NHSL1: variants seen among roughly 807,000 people sequenced by gnomAD.
NHSL1 encodes NHS-like protein 1.
A neutral mutation model predicts 95.0 loss-of-function variants in NHSL1; 48 were observed. The ratio of observed to expected loss-of-function variants is 0.51; its 90% confidence interval spans 0.40 to 0.64. The LOEUF is 0.64. NHSL1 is among the 30% of genes least tolerant of loss of function. NHSL1 has a pLI of 0.00. For synonymous variants in NHSL1, 783 were observed against 833.9 expected, an observed-to-expected ratio of 0.94 and a Z score of 1.05; for missense variants, 1,971 against 2,077.7, an observed-to-expected ratio of 0.95 and a Z score of 1.00.
chr6:138,571,957 A>G, exon 1 of NHSL1: 1 of 1,519,858 alleles, frequency 6.6e-7, no homozygotes, highest in Non-Finnish European at 8.9e-7. Flanking sequence ...CCAGCAAACA[A>G]AACGCTGGGT....
At chr6:138,451,864 G>T (rs2128224818) in intron 3 of NHSL1, among the ~76,000 whole-genome samples, 1 of 152,204 alleles carries the variant, frequency 6.6e-6, no homozygotes, top group East Asian at 1.9e-4. Context: ...AAATAAGAAT[G>T]AAACCTTTTG....
chr6:138,574,221 G>A (rs963603964), upstream of NHSL1, among the ~76,000 whole-genome samples: 6 of 152,216 alleles, frequency 3.9e-5, no homozygotes, highest in Admixed American at 6.5e-5. Context: ...GTGAGCCACC[G>A]CACCCAGATG....
At chr6:138,581,331 G>A (rs1784052002) in intron 1 of NHSL1, among the ~76,000 whole-genome samples, 1 of 152,070 alleles carries the variant, frequency 6.6e-6, no homozygotes, top group Admixed American at 6.5e-5. Flanking sequence ...GCAAAAGTTT[G>A]GAAGACTAGG....
intron 1 of NHSL1, among the ~76,000 whole-genome samples, chr6:138,602,896 G>A (rs79136820): frequency 0.042 from 6,400 of 152,212 alleles, 180 homozygotes; most frequent in South Asian, 0.068. Flanking sequence ...GTGGTGTTGT[G>A]ACAAATTAAA....
chr6:138,641,006 C>G (rs1361074289), intron 1 of NHSL1, among the ~76,000 whole-genome samples: 1 of 152,180 alleles, frequency 6.6e-6, no homozygotes, highest in Non-Finnish European at 1.5e-5. Flanking sequence ...AATTTAAAAG[C>G]TAATGGGAAA....
chr6:138,576,126 G>C (rs1562380552), upstream of NHSL1, among the ~76,000 whole-genome samples: 1 of 152,088 alleles, frequency 6.6e-6, no homozygotes, highest in Non-Finnish European at 1.5e-5. Context: ...CAAGTAGCTG[G>C]AACTACAGGC....
intron 1 of NHSL1, among the ~76,000 whole-genome samples, chr6:138,686,292 C>T (rs889304204): frequency 9.2e-5 from 14 of 152,060 alleles, no homozygotes; most frequent in African/African-American, 2.9e-4. Flanking sequence ...GAGGCCAAAA[C>T]GGGCAGATGC....
chr6:138,495,514 T>A (rs1452142245), intron 2 of NHSL1, among the ~76,000 whole-genome samples: 1 of 152,180 alleles, frequency 6.6e-6, no homozygotes, highest in Non-Finnish European at 1.5e-5. Flanking sequence ...AAATTGGTTT[T>A]GAATACTTAC....
At chr6:138,504,179 G>A (rs1406493331), upstream of NHSL1, among the ~76,000 whole-genome samples, 1 of 152,152 alleles carries the variant, frequency 6.6e-6, no homozygotes, top group Non-Finnish European at 1.5e-5. Context: ...AGGTTGCAGT[G>A]AGCTATGATC....
intron 1 of NHSL1, among the ~76,000 whole-genome samples, chr6:138,544,105 C>A (rs1055971518): frequency 6.6e-6 from 1 of 152,106 alleles, no homozygotes; most frequent in African/African-American, 2.4e-5. Context: ...AGTAACAATT[C>A]CACAACCGTA....
intron 3 of NHSL1, among the ~76,000 whole-genome samples, chr6:138,460,599 T>C (rs562791213): frequency 2.3e-4 from 35 of 151,950 alleles, no homozygotes; most frequent in African/African-American, 8.2e-4. Context: ...GTGTAGGTTA[T>C]ATGCAAATAC....
chr6:138,438,944 GT>G (rs1191151465), intron 5 of NHSL1, among the ~76,000 whole-genome samples: 4 of 152,020 alleles, frequency 2.6e-5, no homozygotes, highest in Non-Finnish European at 5.9e-5. Context: ...ATAAGATGAT[GT>G]TCAGATACAT....
chr6:138,432,543 G>A lies in NHSL1; in HGVS notation c.1802C>T (p.Ser601Phe). Residue 601 changes from serine (S) to phenylalanine (F), a missense_variant, in exon 6 of 8, where the codon TCT becomes TTT. Around this residue, in one of 3 missense-constraint regions of NHSL1, gnomAD observed 1,602 missense variants for 1,654.5 expected, o/e 0.97. Coordinates refer to ENST00000343505, the MANE Select transcript of NHSL1 (RefSeq NM_001144060.2). The surrounding 1 kb of genome is among the most constrained non-coding windows in gnomAD (Gnocchi z 4.4). Reference sequence around the variant, plus strand: ...TGCACAGTAGCCATCGTGGTCCTCAGAATACAGCGACCCAGCATCCTCTTT... The same window carrying A: ...TGCACAGTAGCCATCGTGGTCCTCAAAATACAGCGACCCAGCATCCTCTTT... ...SNKEDAGSLY[S>F]EDHDGYCASV... 1 of 1,552,134 alleles carries A rather than the reference G, an allele frequency of 6.4e-7. No individual in the cohort carries two copies. Among genetic ancestry groups the A allele is most frequent in the Admixed American group, 2.0e-5 (1 of 51,010 alleles).
chr6:138,645,122 C>T (rs1254534150), intron 1 of NHSL1, among the ~76,000 whole-genome samples: 1 of 152,156 alleles, frequency 6.6e-6, no homozygotes. Context: ...TGGTTCTGTT[C>T]TAATGATGTT....
chr6:138,662,862 A>G (rs962058497), intron 1 of NHSL1, among the ~76,000 whole-genome samples: 21 of 152,138 alleles, frequency 1.4e-4, no homozygotes, highest in African/African-American at 5.1e-4. Flanking sequence ...AACACACTTC[A>G]ACTTTCATAC....
At chr6:138,465,710 CT>C (rs1217152430) in intron 3 of NHSL1, among the ~76,000 whole-genome samples, 33 of 148,098 alleles carry the variant, frequency 2.2e-4, no homozygotes, top group African/African-American at 7.0e-4. Context: ...ATCTCCTACA[CT>C]TTTTTTTCTT....
At chr6:138,583,295 G>T (rs1784087989) in intron 1 of NHSL1, among the ~76,000 whole-genome samples, 1 of 152,290 alleles carries the variant, frequency 6.6e-6, no homozygotes, top group South Asian at 2.1e-4. Flanking sequence ...GCCAAAGCAG[G>T]TCATGTGCCT....
chr6:138,580,865 C>T (rs1177099120), intron 1 of NHSL1, among the ~76,000 whole-genome samples: 4 of 152,196 alleles, frequency 2.6e-5, no homozygotes, highest in Non-Finnish European at 5.9e-5. Flanking sequence ...GGTGGATTAG[C>T]GCGGGCTAAT....
intron 1 of NHSL1, among the ~76,000 whole-genome samples, chr6:138,518,393 G>GTT (rs532765329): frequency 7.3e-6 from 1 of 136,338 alleles, no homozygotes. Context: ...ATTACAGCAG[G>GTT]TTTTTTTTTT....
Sources: allele counts gnomAD v4.1 joint callset (sites outside exome capture counted in the v4.1 genomes callset), GRCh38; gene constraint gnomAD v4.1.1; regional missense constraint gnomAD v4.1.1; non-coding constraint Gnocchi (gnomAD v3.1); transcripts MANE v1.5; gene names NCBI Gene and HGNC (gene_info 2026-07-23, HGNC 2026-07-21).